Variants in CDH22 observed in about 807,000 individuals in gnomAD.
The protein encoded by CDH22 is cadherin 22.
In CDH22, 30 loss-of-function variants were observed where a neutral mutation model predicts 58.4. The observed-to-expected ratio is 0.51, with a 90% CI of 0.38 to 0.70. CDH22 has a LOEUF of 0.70. Ranked by LOEUF, CDH22 falls within the 30% of genes least tolerant of loss-of-function variation. The probability of loss-of-function intolerance (pLI) is 0.00; values close to 1 mark genes in which losing one functional copy is unlikely to be tolerated. For missense variants in CDH22, 1,014 were observed against 1,233.9 expected, an observed-to-expected ratio of 0.82 and a Z score of 2.67; for synonymous variants, 513 against 558.2, an observed-to-expected ratio of 0.92 and a Z score of 1.14.
intron 4 of CDH22, among the ~76,000 whole-genome samples, chr20:46,224,669 G>A (rs2086158565): frequency 1.3e-5 from 2 of 152,128 alleles, no homozygotes; most frequent in African/African-American, 4.8e-5. Flanking sequence ...TTCTGTTGAT[G>A]GTACCCCTTG....
chr20:46,233,473 G>A (rs548226837), intron 3 of CDH22, among the ~76,000 whole-genome samples: 20 of 152,218 alleles, frequency 1.3e-4, no homozygotes, highest in Non-Finnish European at 2.5e-4. Context: ...ATCTGTGATA[G>A]CATCCTTCTA....
chr20:46,305,735 T>C (rs1042076209), intron 1 of CDH22, among the ~76,000 whole-genome samples: 1 of 152,256 alleles, frequency 6.6e-6, no homozygotes, highest in Non-Finnish European at 1.5e-5. Context: ...GGAAGTTTAA[T>C]TGGCTGACTC....
intron 10 of CDH22, among the ~76,000 whole-genome samples, chr20:46,183,936 A>G (rs917834024): frequency 6.6e-6 from 1 of 152,082 alleles, no homozygotes; most frequent in Non-Finnish European, 1.5e-5. Flanking sequence ...AATCCACCCC[A>G]GTCCTGCTCA....
chr20:46,197,519 C>T (rs117111118), intron 8 of CDH22, among the ~76,000 whole-genome samples: 4,140 of 152,012 alleles, frequency 0.027, 88 homozygotes, highest in Admixed American at 0.038. Flanking sequence ...AGGCTGGTGG[C>T]GGAGGGGCGT....
rs148413728 is a variant in CDH22, at chr20:46,288,558, C to T, written c.-400+19697G>A. 6.3e-3 allele frequency among the ~76,000 whole-genome samples: 961 copies of T among 152,258 alleles called. 16 individuals carry two copies. The highest frequency in any genetic ancestry group is 0.021 in the African/African-American group (893 of 41,536). On this transcript the variant is annotated intron_variant, in intron 1 of 11. Transcript: ENST00000537909. ...CTGTTCAGTGCAGATATCTAAAACG[C>T]CCTTCAAAACCCTCATGTCTGAACC...
chr20:46,210,788 T>C lies in CDH22; in HGVS notation c.1033-228A>G, dbSNP rs1318288213. 1.3e-5 allele frequency among the ~76,000 whole-genome samples: 2 copies of C among 152,170 alleles called. No homozygotes were observed. Among genetic ancestry groups the C allele is most frequent in the Non-Finnish European group, 2.9e-5 (2 of 68,020 alleles). On this transcript the variant is annotated intron_variant, in intron 6 of 11. Transcript: ENST00000537909. This position sits in a 1 kb window ranked among gnomAD's most constrained non-coding sequence, Gnocchi z 4.5. ...CAGTCTTGCCTAAGGACACAGCCAC[T>C]CCAGGCTAACGCGCTGAGCACCCAA...
At chr20:46,196,099 G>A (rs1459369495) in intron 8 of CDH22, among the ~76,000 whole-genome samples, 1 of 152,164 alleles carries the variant, frequency 6.6e-6, no homozygotes, top group African/African-American at 2.4e-5. Context: ...GGCTCTGGCT[G>A]GCTCCTGGGA....
At chr20:46,282,232 T>G (rs909757851) in intron 1 of CDH22, among the ~76,000 whole-genome samples, 1 of 152,110 alleles carries the variant, frequency 6.6e-6, no homozygotes, top group Non-Finnish European at 1.5e-5. Flanking sequence ...GAGACAGAAA[T>G]GAATACAACG....
intron 3 of CDH22, among the ~76,000 whole-genome samples, chr20:46,236,649 A>ATGTC (rs376371729): frequency 7.4e-6 from 1 of 135,824 alleles, no homozygotes; most frequent in Non-Finnish European, 1.5e-5. Context: ...TTATATATTA[A>ATGTC]TATCTATCTA....
chr20:46,261,134 T>A (rs2086431255), intron 1 of CDH22, among the ~76,000 whole-genome samples: 1 of 152,208 alleles, frequency 6.6e-6, no homozygotes, highest in African/African-American at 2.4e-5. Context: ...CTCAGTTTTC[T>A]CATCTGAAAA....
Position 46,271,360 on chromosome 20 carries a change from C to T in CDH22, c.-399-19667G>A, listed in dbSNP as rs571073174. Among the ~76,000 whole-genome samples, 345 of 152,308 alleles carry T rather than the reference C, an allele frequency of 2.3e-3. 3 individuals carry two copies. Among genetic ancestry groups the T allele is most frequent in the African/African-American group, 7.7e-3 (319 of 41,562 alleles). ...GCTTATACTATGGATTCTCCCTTCT[C>T]CTGCCTTATTACCTTCAGCCCTCTC... On this transcript the variant is annotated intron_variant, in intron 1 of 11. Coordinates refer to ENST00000537909, the MANE Select transcript of CDH22 (RefSeq NM_021248.3).
At chr20:46,275,007 A>C (rs931033928) in intron 1 of CDH22, among the ~76,000 whole-genome samples, 21 of 152,202 alleles carry the variant, frequency 1.4e-4, no homozygotes, top group African/African-American at 4.6e-4. Context: ...ATGTTCTGCA[A>C]CTGCGTGGTG....
In CDH22 at chr20:46,262,323, G is replaced by A. The variant is rs543182360; in HGVS notation, c.-399-10630C>T. Reference sequence around the variant, plus strand: ...GCAAAGGTGGAAGGTCAGGGGAGAGGGGATGATCAGAGCTGGGGTCTTATG... The same window carrying A: ...GCAAAGGTGGAAGGTCAGGGGAGAGAGGATGATCAGAGCTGGGGTCTTATG... On this transcript the variant is annotated intron_variant, in intron 1 of 11. Transcript: ENST00000537909. 2.6e-5 allele frequency among the ~76,000 whole-genome samples: 4 copies of A among 152,136 alleles called. No individual in the cohort carries two copies. In the South Asian group the frequency reaches 8.3e-4, roughly 32 times the overall value.
intron 4 of CDH22, among the ~76,000 whole-genome samples, chr20:46,223,714 T>TTTCTTTC (rs1491335378): frequency 2.4e-5 from 1 of 41,062 alleles, no homozygotes; most frequent in Non-Finnish European, 5.7e-5. Context: ...TCTTTCTTTC[T>TTTCTTTC]TTTTCTTTCT....
chr20:46,257,001 T>C (rs1317887397), intron 1 of CDH22, among the ~76,000 whole-genome samples: 1 of 130,518 alleles, frequency 7.7e-6, no homozygotes, highest in African/African-American at 3.0e-5. Flanking sequence ...AGTGAGACCC[T>C]GTCTCTAAAA....
At chr20:46,282,152 A>ATTGAG (rs1452429920) in intron 1 of CDH22, among the ~76,000 whole-genome samples, 1 of 152,202 alleles carries the variant, frequency 6.6e-6, no homozygotes, top group East Asian at 1.9e-4. Context: ...AAAAATAATT[A>ATTGAG]TTGAGTGCCT....
chr20:46,224,204 C>T (rs548455299), intron 4 of CDH22, among the ~76,000 whole-genome samples: 33 of 152,276 alleles, frequency 2.2e-4, no homozygotes, highest in African/African-American at 7.0e-4. Flanking sequence ...TCCTCACACT[C>T]GTCACTGCTT....
intron 1 of CDH22, among the ~76,000 whole-genome samples, chr20:46,302,888 C>G (rs2086658216): frequency 6.6e-6 from 1 of 152,210 alleles, no homozygotes; most frequent in African/African-American, 2.4e-5. Context: ...CCCCCATGCC[C>G]AGGCAGTTAC....
chr20:46,203,500 C>T (rs1419765479), intron 7 of CDH22, among the ~76,000 whole-genome samples: 1 of 152,190 alleles, frequency 6.6e-6, no homozygotes, highest in Non-Finnish European at 1.5e-5. Flanking sequence ...GCTCAAGAGG[C>T]AGCAGCTCAG....
Sources: gnomAD v4.1 joint callset for allele counts (sites outside exome capture counted in the v4.1 genomes callset) on GRCh38, gnomAD v4.1.1 for gene constraint, Gnocchi (gnomAD v3.1) non-coding constraint, MANE v1.5 for transcripts, NCBI Gene and HGNC (gene_info 2026-07-23, HGNC 2026-07-21) for gene names.